The following CCNY variants were observed in gnomAD, a reference collection of about 807,000 sequenced individuals.
CCNY encodes cyclin-Y.
Under a neutral mutation model 42.8 loss-of-function variants are expected in CCNY, and 19 were observed. The ratio of observed to expected loss-of-function variants is 0.44; its 90% CI spans 0.31 to 0.65. The LOEUF (loss-of-function observed/expected upper bound fraction) is 0.65, where lower values mean the gene tolerates loss of function less well. Ranked by LOEUF, CCNY falls within the 30% of genes least tolerant of loss-of-function variation. CCNY has a pLI of 0.07. For missense variants in CCNY, 370 were observed against 437.3 expected (o/e 0.85, Z 1.37); for synonymous variants, 165 against 162.7 (o/e 1.01, Z -0.11).
chr10:35,394,473 T>C (rs948442000), intron 1 of CCNY, among the ~76,000 whole-genome samples: 33 of 152,222 alleles, frequency 2.2e-4, no homozygotes, highest in African/African-American at 7.0e-4. Context: ...CTCACATTTG[T>C]TTAAAAGACT....
At chr10:35,332,099 C>T (rs1835950360), upstream of CCNY, among the ~76,000 whole-genome samples, 1 of 152,138 alleles carries the variant, frequency 6.6e-6, no homozygotes, top group African/African-American at 2.4e-5. Context: ...TGCCTACTAC[C>T]AAGGACAAAA....
intron 4 of CCNY, among the ~76,000 whole-genome samples, chr10:35,519,709 C>G (rs1451964078): frequency 1.3e-5 from 2 of 151,552 alleles, no homozygotes; most frequent in Non-Finnish European, 2.9e-5. Flanking sequence ...CTGCACTGCA[C>G]ACATCTGAAA....
intron 1 of CCNY, among the ~76,000 whole-genome samples, chr10:35,448,120 G>T (rs1445410667): frequency 6.6e-6 from 1 of 152,154 alleles, no homozygotes; most frequent in Non-Finnish European, 1.5e-5. Flanking sequence ...TTGTGATCTG[G>T]TGACTTCTGT....
intron 3 of CCNY, among the ~76,000 whole-genome samples, chr10:35,324,042 T>C (rs550169854): frequency 6.7e-6 from 1 of 148,524 alleles, no homozygotes; most frequent in Non-Finnish European, 1.5e-5. Context: ...ATTCCAAAGG[T>C]CTAAACTTCA....
chr10:35,385,773 A>G (rs1258736931), intron 1 of CCNY, among the ~76,000 whole-genome samples: 1 of 152,202 alleles, frequency 6.6e-6, no homozygotes, highest in Non-Finnish European at 1.5e-5. Flanking sequence ...GCCTTCCATA[A>G]ATGAGAACTT....
intron 1 of CCNY, among the ~76,000 whole-genome samples, chr10:35,392,960 C>T (rs751491379): frequency 8.0e-4 from 121 of 152,128 alleles, no homozygotes; most frequent in Non-Finnish European, 8.5e-4. Flanking sequence ...GCTACAACCT[C>T]CCACCCTTGA....
intron 2 of CCNY, among the ~76,000 whole-genome samples, chr10:35,495,145 A>G (rs1839980608): frequency 6.6e-6 from 1 of 152,228 alleles, no homozygotes; most frequent in Admixed American, 6.5e-5. Flanking sequence ...GGTGATAAGG[A>G]TACTCTGTGT....
At chr10:35,301,256 C>T (rs1044949444) in intron 3 of CCNY, among the ~76,000 whole-genome samples, 2 of 152,272 alleles carry the variant, frequency 1.3e-5, no homozygotes, top group Middle Eastern at 3.4e-3. Flanking sequence ...CATAATATTC[C>T]TTGTTTAACA....
chr10:35,425,985 C>T (rs537277461), intron 1 of CCNY, among the ~76,000 whole-genome samples: 1 of 152,058 alleles, frequency 6.6e-6, no homozygotes, highest in South Asian at 2.1e-4. Context: ...TCCTTTTCAC[C>T]CTGGGGGAGA....
chr10:35,504,595 G>A (rs1456181606), intron 3 of CCNY, among the ~76,000 whole-genome samples: 2 of 152,190 alleles, frequency 1.3e-5, no homozygotes, highest in African/African-American at 4.8e-5. Context: ...TGTTTTAGAT[G>A]TAATTAAAGT....
chr10:35,424,287 C>T (rs547695157), intron 1 of CCNY, among the ~76,000 whole-genome samples: 3 of 152,258 alleles, frequency 2.0e-5, no homozygotes, highest in East Asian at 1.9e-4. Flanking sequence ...AGTGCAATGG[C>T]GTGATCTCGG....
intron 3 of CCNY, among the ~76,000 whole-genome samples, chr10:35,275,501 C>T (rs1314580213): frequency 2.6e-5 from 4 of 151,584 alleles, no homozygotes; most frequent in Admixed American, 2.0e-4. Flanking sequence ...CGGTGGCTCA[C>T]ACCTGTAATC....
At chr10:35,559,800 T>C (rs1412675489) in intron 8 of CCNY, among the ~76,000 whole-genome samples, 1 of 152,208 alleles carries the variant, frequency 6.6e-6, no homozygotes, top group Non-Finnish European at 1.5e-5. Flanking sequence ...ACTGCCACCA[T>C]GGGCCCAGCA....
chr10:35,266,048 T>C (rs753377237), intron 3 of CCNY, among the ~76,000 whole-genome samples: 1 of 152,090 alleles, frequency 6.6e-6, no homozygotes, highest in Non-Finnish European at 1.5e-5. Flanking sequence ...AGAATTTACA[T>C]GTATCTCCAG....
intron 7 of CCNY, among the ~76,000 whole-genome samples, chr10:35,542,840 A>G (rs1444254825): frequency 6.6e-6 from 1 of 152,236 alleles, no homozygotes; most frequent in Non-Finnish European, 1.5e-5. Context: ...TTCAGTGATG[A>G]GTCCAGACAT....
intron 1 of CCNY, among the ~76,000 whole-genome samples, chr10:35,440,216 C>G (rs1156521669): frequency 1.3e-5 from 2 of 151,948 alleles, no homozygotes; most frequent in Non-Finnish European, 2.9e-5. Flanking sequence ...AGCAGGTGTT[C>G]TTTGGTCTGT....
chr10:35,356,458 A>G (rs901632411), intron 1 of CCNY, among the ~76,000 whole-genome samples: 3 of 151,958 alleles, frequency 2.0e-5, no homozygotes, highest in African/African-American at 7.3e-5. Context: ...ATTCTCCATG[A>G]CTCCGCGTGG....
intron 1 of CCNY, among the ~76,000 whole-genome samples, chr10:35,247,917 A>T: frequency 6.6e-6 from 1 of 151,062 alleles, no homozygotes. Flanking sequence ...AAAGAAAGAA[A>T]AGAATAAATA....
chr10:35,527,817 C>G (rs924595817), intron 5 of CCNY, among the ~76,000 whole-genome samples: 1 of 152,198 alleles, frequency 6.6e-6, no homozygotes, highest in African/African-American at 2.4e-5. Flanking sequence ...CTTCTCTTCG[C>G]TCTCATACTA....
Sources: gnomAD v4.1 joint callset for allele counts (sites outside exome capture counted in the v4.1 genomes callset) on GRCh38, gnomAD v4.1.1 for gene constraint, MANE v1.5 for transcripts, NCBI Gene and HGNC (gene_info 2026-07-23, HGNC 2026-07-21) for gene names.